Variants in LRRC2 observed in about 807,000 individuals in gnomAD.
LRRC2 encodes leucine rich repeat containing 2, also known as leucine-rich repeat-containing protein 2.
A neutral mutation model predicts 40.2 loss-of-function variants in LRRC2; 27 were observed. The observed-to-expected ratio is 0.67, with a 90% CI of 0.49 to 0.93. The LOEUF (loss-of-function observed/expected upper bound fraction) is 0.93, where lower values mean the gene tolerates loss of function less well. Among genes scored for constraint, LRRC2 ranks in the 40% least tolerant of loss-of-function variants. The pLI, the probability that LRRC2 is intolerant of heterozygous loss-of-function variation, is 0.00. For missense variants in LRRC2, 402 were observed against 439.6 expected (o/e 0.91, Z 0.76); for synonymous variants, 147 against 158.9 (o/e 0.92, Z 0.56).
chr3:46,518,866 A>T lies in LRRC2; in HGVS notation c.*148T>A. On this transcript the variant is annotated 3_prime_UTR_variant, in exon 9 of 9. Coordinates refer to ENST00000395905, the MANE Select transcript of LRRC2 (RefSeq NM_024512.5). ...GGAGGGAGATACTCATGTATTTGAC[A>T]TTTGAAAACCATTTTTTTTAGCAAC... 3 of 641,364 alleles carry T rather than the reference A, an allele frequency of 4.7e-6. No homozygotes were observed. In the South Asian group the frequency reaches 6.2e-5, roughly 13 times the overall value. The allele number at this position is 641,364 out of a possible 1,614,324, so 39.7% of individuals were successfully genotyped here.
At chr3:46,538,465 T>C (rs571270879) in intron 4 of LRRC2, among the ~76,000 whole-genome samples, 141 of 151,904 alleles carry the variant, frequency 9.3e-4, no homozygotes, top group Non-Finnish European at 1.8e-3. Context: ...TGAAACCCCT[T>C]CTCTACTAAA....
intron 2 of LRRC2, among the ~76,000 whole-genome samples, chr3:46,549,939 A>T (rs533768944): frequency 2.0e-5 from 3 of 152,314 alleles, no homozygotes; most frequent in Middle Eastern, 3.4e-3. Flanking sequence ...ATGTGAGTGT[A>T]GGTCTCTTGG....
At chr3:46,546,044 T>C (rs928382157) in intron 2 of LRRC2, among the ~76,000 whole-genome samples, 1 of 152,230 alleles carries the variant, frequency 6.6e-6, no homozygotes, top group African/African-American at 2.4e-5. Context: ...AGCCCACCTT[T>C]GATAGGGGCT....
intron 3 of LRRC2, among the ~76,000 whole-genome samples, chr3:46,542,976 C>CTT (rs1704428614): frequency 6.6e-6 from 1 of 152,182 alleles, no homozygotes; most frequent in Non-Finnish European, 1.5e-5. Context: ...CCAGGTGTGA[C>CTT]TTTGGAGGCC....
At position 46,545,092 on chromosome 3, in the gene LRRC2, T is replaced by C; in HGVS notation, c.287A>G (p.Lys96Arg). The C allele has an allele frequency of 6.2e-7, 1 of 1,613,812 alleles. No individual in the cohort carries two copies. The highest frequency in any genetic ancestry group is 8.5e-7 in the Non-Finnish European group (1 of 1,179,996). The change falls in exon 3 of 9, where the codon AAA becomes AGA. Residue 96 changes from lysine (K) to arginine (R), a missense_variant. By Grantham distance (26) the Lys-to-Arg change is conservative (BLOSUM62 2). Transcript: ENST00000395905. ...RQSSLPKDRG[K>R]RSSAFVFELS... The stretch of plus-strand genomic sequence containing the variant: ...TTCAAACACAAACGCACTGCTCCGT[T>C]TGCCTCTGTCCTTGGGAAGTGAACT...
chr3:46,555,493 T>C (rs1288980273), intron 1 of LRRC2, among the ~76,000 whole-genome samples: 6 of 152,148 alleles, frequency 3.9e-5, no homozygotes, highest in Non-Finnish European at 7.4e-5. Context: ...GTTTCTCTAT[T>C]ATATATTTTA....
intron 2 of LRRC2, among the ~76,000 whole-genome samples, chr3:46,548,631 A>T (rs373195358): frequency 1.3e-5 from 2 of 152,256 alleles, no homozygotes; most frequent in Non-Finnish European, 2.9e-5. Context: ...AGGAAACCAC[A>T]ATCCCAGCCC....
chr3:46,565,977 C>T (rs1705051052), intron 1 of LRRC2, among the ~76,000 whole-genome samples, 200 bp downstream of exon 1: 1 of 152,236 alleles, frequency 6.6e-6, no homozygotes, highest in Non-Finnish European at 1.5e-5. Flanking sequence ...CCTCAGATAA[C>T]GGTGGATGCC....
Position 46,517,683 on chromosome 3 carries a change from C to T in LRRC2, c.*1331G>A, listed in dbSNP as rs988130117. On this transcript the variant is annotated 3_prime_UTR_variant, in exon 9 of 9. Coordinates refer to ENST00000395905, the MANE Select transcript of LRRC2 (RefSeq NM_024512.5). ...CTTATTTATCTTCAACACCATCAGC[C>T]ACAACCTGTTTATTTTAGCCCAAGA... 3 of 152,142 alleles carry T rather than the reference C, an allele frequency of 2.0e-5. No homozygotes were observed. The highest frequency in any genetic ancestry group is 7.2e-5 in the African/African-American group (3 of 41,416). The allele number at this position is 152,142 out of a possible 1,614,324, so 9.4% of individuals were successfully genotyped here.
At chr3:46,534,634 A>G (rs1704239349) in intron 4 of LRRC2, among the ~76,000 whole-genome samples, 1 of 152,184 alleles carries the variant, frequency 6.6e-6, no homozygotes, top group Non-Finnish European at 1.5e-5. Context: ...TTTTAAATCC[A>G]TATAATGATA....
In LRRC2 at chr3:46,521,175, G is replaced by C. The variant is rs189624706; in HGVS notation, c.1066+347C>G. Reference sequence around the variant, plus strand: ...GTTGAATGTAAACGGATTTTGAAACGACATCTTATTTTTCTAGTAACTTAG... The same window carrying C: ...GTTGAATGTAAACGGATTTTGAAACCACATCTTATTTTTCTAGTAACTTAG... On this transcript the variant is annotated intron_variant, in intron 8 of 8. Coordinates refer to ENST00000395905, the MANE Select transcript of LRRC2 (RefSeq NM_024512.5). 9.7e-4 allele frequency among the ~76,000 whole-genome samples: 147 copies of C among 152,216 alleles called. 1 individual carries two copies. The Middle Eastern group carries it at 0.01, about 11-fold the overall frequency.
In LRRC2 at chr3:46,515,761, C is replaced by T. The variant is rs1042649407; in HGVS notation, c.*3253G>A. The T allele has an allele frequency of 2.0e-5, 3 of 151,790 alleles. No homozygotes were observed. The highest frequency in any genetic ancestry group is 7.3e-5 in the African/African-American group (3 of 41,282). 9.4% of individuals were successfully genotyped at this position (151,790 alleles called of 1,614,324 possible). A position where few individuals can be genotyped will look rare whatever the true frequency, so the allele number is the denominator to read the frequency against. The stretch of plus-strand genomic sequence containing the variant: ...ATGAACAGTCTATTTGTATGAAAGC[C>T]CCTCTTCAGATATATTTTCCACTTG... On this transcript the variant is annotated 3_prime_UTR_variant, in exon 9 of 9. Coordinates refer to ENST00000395905, the MANE Select transcript of LRRC2 (RefSeq NM_024512.5).
chr3:46,555,842 C>T (rs968912109), intron 1 of LRRC2, among the ~76,000 whole-genome samples: 1 of 152,174 alleles, frequency 6.6e-6, no homozygotes, highest in Non-Finnish European at 1.5e-5. Flanking sequence ...TCCCTTCTAT[C>T]TAAAAACTTG....
chr3:46,530,800 T>A (rs971533377), intron 5 of LRRC2, among the ~76,000 whole-genome samples: 1 of 152,106 alleles, frequency 6.6e-6, no homozygotes, highest in African/African-American at 2.4e-5. Context: ...TTCAATTACC[T>A]CCCACCAGGT....
rs376279366 is a variant in LRRC2, at chr3:46,525,470, C to T, written c.929+1956G>A. 4.6e-5 allele frequency among the ~76,000 whole-genome samples: 7 copies of T among 152,184 alleles called. No homozygotes were observed. The South Asian group carries it at 6.2e-4, about 14-fold the overall frequency. The stretch of plus-strand genomic sequence containing the variant: ...CTCGCTATGTTACCCACACCGATCT[C>T]GAACTCCTGAGCTAAAGCAATCCTC... On this transcript the variant is annotated intron_variant, in intron 7 of 8. Transcript: ENST00000395905.
rs763035467 is a variant in LRRC2, at chr3:46,527,507, T to C, written c.848A>G (p.Lys283Arg). 6.2e-7 allele frequency: 1 copy of C among 1,614,000 alleles called. No individual in the cohort carries two copies. Among genetic ancestry groups the C allele is most frequent in the Non-Finnish European group, 8.5e-7 (1 of 1,179,900 alleles). ...TYLPYSMLNL[K>R]KLTLLVVSGD... Reference sequence around the variant, plus strand: ...ACTGACGACTAACAGAGTGAGCTTCTTCAGGTTCAGCATGGAATAGGGAAG... The same window carrying C: ...ACTGACGACTAACAGAGTGAGCTTCCTCAGGTTCAGCATGGAATAGGGAAG... Residue 283 changes from lysine (K) to arginine (R), a missense_variant, in exon 7 of 9, where the codon AAG (lysine) becomes AGG (arginine). Coordinates refer to ENST00000395905, the MANE Select transcript of LRRC2 (RefSeq NM_024512.5).
In LRRC2 at chr3:46,521,520, A is replaced by T. The variant is rs371582486; in HGVS notation, c.1066+2T>A. 6 of 1,593,484 alleles carry T rather than the reference A, an allele frequency of 3.8e-6. No individual in the cohort carries two copies. The African/African-American group carries it at 6.7e-5, about 18-fold the overall frequency. ...AAATAATTTTAAATATGAGTAACCC[A>T]CCTCTTTCTTTAAGGTCTTCAATAT... On this transcript the variant is annotated splice_donor_variant, in intron 8 of 8. Coordinates refer to ENST00000395905, the MANE Select transcript of LRRC2 (RefSeq NM_024512.5). LOFTEE classifies it high-confidence loss of function.
chr3:46,527,129 C>T (rs1312151999), intron 7 of LRRC2, among the ~76,000 whole-genome samples: 1 of 152,316 alleles, frequency 6.6e-6, no homozygotes, highest in South Asian at 2.1e-4. Context: ...CCCCTCCAGG[C>T]CAGCAGCGAT....
intron 1 of LRRC2, among the ~76,000 whole-genome samples, chr3:46,560,770 G>A (rs1055876403): frequency 6.6e-6 from 1 of 152,180 alleles, no homozygotes; most frequent in Non-Finnish European, 1.5e-5. Context: ...CAGTCACAGA[G>A]CATCTTCCAG....
Sources: gnomAD v4.1 joint callset for allele counts (sites outside exome capture counted in the v4.1 genomes callset) on GRCh38, gnomAD v4.1.1 for gene constraint, MANE v1.5 for transcripts, NCBI Gene and HGNC (gene_info 2026-07-23, HGNC 2026-07-21) for gene names.